Variants in ALG13 observed in about 807,000 individuals in gnomAD.
ALG13 encodes UDP-N-acetylglucosamine transferase subunit ALG13.
Under a neutral mutation model 87.8 loss-of-function variants are expected in ALG13, and 11 were observed. The observed-to-expected ratio is 0.13, with a 90% CI of 0.08 to 0.21. The LOEUF (loss-of-function observed/expected upper bound fraction) is 0.21. Ranked by LOEUF, ALG13 falls within the 10% of genes least tolerant of loss-of-function variation. The pLI is 1.00. For missense variants in ALG13, 756 were observed against 866.1 expected (o/e 0.87, Z 1.60); for synonymous variants, 320 against 306.3 (o/e 1.04, Z -0.47).
intron 21 of ALG13, among the ~76,000 whole-genome samples, chrX:111,731,445 C>A (rs1226456663): frequency 1.8e-5 from 2 of 112,107 alleles, no homozygotes; most frequent in Non-Finnish European, 3.8e-5. Context: ...GGGCCCCCAA[C>A]ATACTCATGG....
At chrX:111,742,048 C>T (rs964715817) in intron 23 of ALG13, among the ~76,000 whole-genome samples, 1 of 111,644 alleles carries the variant, frequency 9.0e-6, no homozygotes, top group Non-Finnish European at 1.9e-5. Context: ...TGAAAGATTA[C>T]GATTTAAATG....
chrX:111,716,237 C>T (rs1940575999), intron 8 of ALG13, among the ~76,000 whole-genome samples: 1 of 111,661 alleles, frequency 9.0e-6, no homozygotes, highest in Non-Finnish European at 1.9e-5. Context: ...AGTTTACTGC[C>T]ATTAATTACA....
chrX:111,735,651 T>A (rs1943162109), intron 22 of ALG13, among the ~76,000 whole-genome samples: 1 of 111,070 alleles, frequency 9.0e-6, no homozygotes, highest in Non-Finnish European at 1.9e-5. Context: ...AGAGAATGTT[T>A]CAAGGAGCAG....
At chrX:111,752,732 G>C in intron 24 of ALG13, 58 bp from the exon 25 acceptor site, 1 of 919,723 alleles carries the variant, frequency 1.1e-6, no homozygotes, top group East Asian at 3.3e-5. Flanking sequence ...GCTTTTAAAA[G>C]ATAATTCTAA....
intron 8 of ALG13, among the ~76,000 whole-genome samples, chrX:111,715,719 GAAAT>G (rs1940486519): frequency 8.9e-6 from 1 of 111,919 alleles, no homozygotes; most frequent in Non-Finnish European, 1.9e-5. Context: ...CTCCATCTCA[GAAAT>G]AAATAAATAA....
Position 111,759,767 on chromosome X carries a change from C to T in ALG13, c.3182C>T (p.Pro1061Leu), listed in dbSNP as rs1456259198. 1.7e-6 allele frequency: 2 copies of T among 1,206,296 alleles called. No individual in the cohort carries two copies. Among genetic ancestry groups the T allele is most frequent in the Non-Finnish European group, 2.2e-6 (2 of 893,104 alleles). The change falls in exon 27 of 27, where the codon CCT becomes CTT. Residue 1061 changes from proline (P) to leucine (L), a missense_variant. Pro to Leu is a moderately conservative substitution (Grantham distance 98). Around this residue, in one of 9 missense-constraint regions of ALG13, gnomAD observed 110 missense variants for 104.9 expected, o/e 1.05. Coordinates refer to ENST00000394780, the MANE Select transcript of ALG13 (RefSeq NM_001099922.3). The stretch of plus-strand genomic sequence containing the variant: ...CCGAATGCTGATTCTTCATCTGTCC[C>T]TCATGGAGCAGTCTATTATCCAGTA... ...TFPNADSSSV[P>L]HGAVYYPVMS...
intron 24 of ALG13, among the ~76,000 whole-genome samples, chrX:111,751,071 T>A (rs1392132771): frequency 9.8e-6 from 1 of 101,880 alleles, no homozygotes; most frequent in African/African-American, 3.7e-5. Flanking sequence ...CATAACTTTT[T>A]TTTTTTTTTT....
chrX:111,756,088 A>G (rs1300828229), intron 25 of ALG13, among the ~76,000 whole-genome samples: 1 of 112,370 alleles, frequency 8.9e-6, no homozygotes, highest in Admixed American at 9.4e-5. Context: ...GCAGCCATAA[A>G]AAAGAATGAG....
chrX:111,757,509 T>G (rs1192331423), intron 25 of ALG13, 79 bp from the exon 26 acceptor site: 589 of 689,259 alleles, frequency 8.5e-4, no homozygotes, highest in Non-Finnish European at 1.1e-3. Flanking sequence ...TTTTTTTTTT[T>G]GTCTGTGGGG....
chrX:111,706,620 G>A (rs899489797), intron 3 of ALG13: 2 of 110,606 alleles, frequency 1.8e-5, no homozygotes, highest in Non-Finnish European at 3.8e-5. Context: ...GCTGGGTGTG[G>A]TGGTGGCATG....
At chrX:111,727,559 G>A (rs945298472) in intron 17 of ALG13, 55 bp from the exon 18 acceptor site, 2 of 1,121,752 alleles carry the variant, frequency 1.8e-6, no homozygotes, top group African/African-American at 3.7e-5. Flanking sequence ...TAGAAATTAG[G>A]AACAAGTTAC....
chrX:111,707,048 C>T (rs1938895251), intron 3 of ALG13, among the ~76,000 whole-genome samples: 1 of 110,642 alleles, frequency 9.0e-6, no homozygotes, highest in African/African-American at 3.3e-5. Context: ...TGGATTTTTG[C>T]ATTTAAATAA....
intron 24 of ALG13, among the ~76,000 whole-genome samples, chrX:111,749,612 A>G (rs898092097): frequency 1.2e-4 from 13 of 109,634 alleles, no homozygotes; most frequent in Non-Finnish European, 2.1e-4. Context: ...TGAACATAGT[A>G]TCATAGTATA....
intron 8 of ALG13, 91 bp downstream of exon 8, chrX:111,713,388 A>G: frequency 3.4e-6 from 2 of 583,861 alleles, no homozygotes; most frequent in Non-Finnish European, 5.6e-6. Flanking sequence ...AACCTAATTA[A>G]TGAAAAGCAT....
chrX:111,699,033 C>T (rs1230522150), intron 3 of ALG13, among the ~76,000 whole-genome samples: 1 of 111,962 alleles, frequency 8.9e-6, no homozygotes, highest in African/African-American at 3.2e-5. Context: ...TATCTTTCAT[C>T]ATTTTAAATA....
intron 3 of ALG13, among the ~76,000 whole-genome samples, chrX:111,690,983 G>T: frequency 9.0e-6 from 1 of 111,690 alleles, no homozygotes. Context: ...TATAGTCTGA[G>T]AAATGACACA....
intron 24 of ALG13, among the ~76,000 whole-genome samples, chrX:111,747,462 C>T (rs1035996671): frequency 4.5e-5 from 5 of 111,906 alleles, no homozygotes; most frequent in African/African-American, 1.6e-4. Context: ...TACAGTTGCC[C>T]TAAACATCCA....
chrX:111,689,414 C>A (rs1161442272), intron 3 of ALG13: 6 of 750,586 alleles, frequency 8.0e-6, no homozygotes, highest in Non-Finnish European at 9.4e-6. Context: ...AAATGAAAGG[C>A]AAGGTCTACT....
At chrX:111,681,489 A>T (rs1933143696) in intron 1 of ALG13, 190 bp downstream of exon 1, 21 of 1,044,617 alleles carry the variant, frequency 2.0e-5, no homozygotes, top group Non-Finnish European at 2.5e-5. Context: ...CTACCCGGCC[A>T]CTCGGGGTTG....
Sources: gnomAD v4.1 joint callset for allele counts (sites outside exome capture counted in the v4.1 genomes callset) on GRCh38, gnomAD v4.1.1 for gene constraint, gnomAD v4.1.1 regional missense constraint, MANE v1.5 for transcripts, NCBI Gene and HGNC (gene_info 2026-07-23, HGNC 2026-07-21) for gene names.